OPRM1: variants seen among roughly 807,000 people sequenced by gnomAD.
OPRM1 encodes mu-type opioid receptor.
Under a neutral mutation model 31.8 loss-of-function variants are expected in OPRM1, and 27 were observed. The ratio of observed to expected loss-of-function variants is 0.85; its 90% CI spans 0.63 to 1.17. OPRM1 has a LOEUF of 1.17. OPRM1 is among the 50% of genes most tolerant of loss of function. The pLI is 0.00. For synonymous variants in OPRM1, 196 were observed against 189.9 expected, an observed-to-expected ratio of 1.03 and a Z score of -0.26; for missense variants, 536 against 511.1, an observed-to-expected ratio of 1.05 and a Z score of -0.47.
At chr6:154,186,668 T>G (rs1035265458) in intron 3 of OPRM1, among the ~76,000 whole-genome samples, 3 of 152,118 alleles carry the variant, frequency 2.0e-5, no homozygotes, top group Non-Finnish European at 4.4e-5. Flanking sequence ...GCCATTCTCC[T>G]GCCTCAGCCT....
chr6:154,088,699 A>C (rs548277278), intron 1 of OPRM1, among the ~76,000 whole-genome samples: 1 of 152,310 alleles, frequency 6.6e-6, no homozygotes, highest in East Asian at 1.9e-4. Context: ...TTATAGGTCA[A>C]TTCCACCTCA....
chr6:154,246,050 C>T (rs936917968), intron 3 of OPRM1, among the ~76,000 whole-genome samples: 1 of 152,206 alleles, frequency 6.6e-6, no homozygotes, highest in East Asian at 1.9e-4. Flanking sequence ...AGGTGACAGT[C>T]GCCAATGCAA....
intron 3 of OPRM1, chr6:154,108,261 C>T (rs1795903597): frequency 2.8e-6 from 1 of 361,422 alleles, no homozygotes; most frequent in Non-Finnish European, 4.9e-6. Context: ...TAAATTTGCC[C>T]CCAGATGGGT....
At position 154,071,666 on chromosome 6, in the gene OPRM1, T is replaced by C. The variant is rs1786763607; in HGVS notation, c.291-18160T>C. On this transcript the variant is annotated intron_variant, in intron 1 of 3. Coordinates refer to ENST00000330432, the MANE Select transcript of OPRM1 (RefSeq NM_000914.5). ...GGATTCAAAGAAACAAAGGTCTATC[T>C]AGACAGTGTGCTGTCCTAAAGCAAG... Among the ~76,000 whole-genome samples the C allele has an allele frequency of 2.6e-5, 4 of 152,216 alleles. No individual in the cohort carries two copies. The South Asian group carries it at 8.3e-4, about 31-fold the overall frequency.
chr6:154,084,222 T>C (rs1392851002), intron 1 of OPRM1, among the ~76,000 whole-genome samples: 1 of 152,134 alleles, frequency 6.6e-6, no homozygotes, highest in Admixed American at 6.5e-5. Flanking sequence ...TTGAAATAAA[T>C]GTAAATTAAA....
intron 3 of OPRM1, among the ~76,000 whole-genome samples, chr6:154,118,038 T>C (rs1337810861): frequency 6.6e-6 from 1 of 152,180 alleles, no homozygotes; most frequent in East Asian, 1.9e-4. Context: ...TTATAATGAA[T>C]GATAGCAACA....
intron 3 of OPRM1, among the ~76,000 whole-genome samples, chr6:154,243,037 G>T (rs1171550862): frequency 6.6e-6 from 1 of 152,190 alleles, no homozygotes; most frequent in Non-Finnish European, 1.5e-5. Flanking sequence ...GAATTGGATA[G>T]GAGAAAGACT....
At chr6:154,057,081 G>C (rs985588344) in intron 1 of OPRM1, among the ~76,000 whole-genome samples, 2 of 152,128 alleles carry the variant, frequency 1.3e-5, no homozygotes, top group African/African-American at 4.8e-5. Flanking sequence ...AAGGACTAAA[G>C]ATATTCTTTT....
At chr6:154,170,393 C>G (rs1799778137) in intron 3 of OPRM1, among the ~76,000 whole-genome samples, 1 of 152,166 alleles carries the variant, frequency 6.6e-6, no homozygotes, top group South Asian at 2.1e-4. Context: ...CAAAACCAAG[C>G]AAACTTCACA....
intron 1 of OPRM1, among the ~76,000 whole-genome samples, chr6:154,067,146 A>T: frequency 6.7e-6 from 1 of 149,414 alleles, no homozygotes; most frequent in Non-Finnish European, 1.5e-5. Context: ...CACTTTCTCT[A>T]TTTTTTTTTA....
chr6:154,055,552 A>T (rs1279430625), intron 1 of OPRM1, among the ~76,000 whole-genome samples: 1 of 152,162 alleles, frequency 6.6e-6, no homozygotes, highest in African/African-American at 2.4e-5. Context: ...CCATTATAAT[A>T]TTTCTAATTA....
chr6:154,056,607 G>A (rs866960337), intron 1 of OPRM1, among the ~76,000 whole-genome samples: 1 of 151,636 alleles, frequency 6.6e-6, no homozygotes, highest in Middle Eastern at 3.4e-3. Context: ...GGAATCTTAC[G>A]GTGCCCTTGA....
At chr6:154,064,755 C>T (rs1192290163) in intron 1 of OPRM1, among the ~76,000 whole-genome samples, 1 of 152,160 alleles carries the variant, frequency 6.6e-6, no homozygotes, top group African/African-American at 2.4e-5. Context: ...TGTTCTTTCT[C>T]CATTGAAAGG....
rs570568387 is a variant in OPRM1, at chr6:154,040,135, G to A, written c.290+301G>A. Among the ~76,000 whole-genome samples the A allele has an allele frequency of 7.9e-5, 12 of 152,228 alleles. 1 individual carries two copies. In the South Asian group the frequency reaches 1.9e-3, roughly 24 times the overall value. On this transcript the variant is annotated intron_variant, in intron 1 of 3. Transcript: ENST00000330432. ...GGAAGCTATAGCATAGACTTGGAGC[G>A]CTTCCTTATACTGAGCAAAGAGGGC...
intron 1 of OPRM1, among the ~76,000 whole-genome samples, chr6:154,072,492 G>T (rs373317050): frequency 6.6e-6 from 1 of 152,178 alleles, no homozygotes; most frequent in African/African-American, 2.4e-5. Context: ...CTAAGTACTT[G>T]CTTAAAGTGA....
At chr6:154,137,377 A>G (rs1415290975) in intron 3 of OPRM1, among the ~76,000 whole-genome samples, 2 of 152,212 alleles carry the variant, frequency 1.3e-5, no homozygotes, top group African/African-American at 2.4e-5. Flanking sequence ...ATGCTTGTGC[A>G]AGACTAATAA....
At chr6:154,212,882 G>A (rs1778077881) in intron 3 of OPRM1, 1 of 1,465,238 alleles carries the variant, frequency 6.8e-7, no homozygotes, top group Non-Finnish European at 9.6e-7. Flanking sequence ...AATGCTTAAT[G>A]TTTTAACGCT....
chr6:154,149,349 G>A (rs1194205918), intron 3 of OPRM1, among the ~76,000 whole-genome samples: 1 of 152,056 alleles, frequency 6.6e-6, no homozygotes, highest in Admixed American at 6.6e-5. Flanking sequence ...ACAGCATGGG[G>A]GTAACTGTCC....
intron 3 of OPRM1, among the ~76,000 whole-genome samples, chr6:154,141,689 G>A (rs931338987): frequency 3.9e-5 from 6 of 152,222 alleles, no homozygotes; most frequent in Admixed American, 1.3e-4. Context: ...AGGACAACGC[G>A]AAGCGGGCAA....
Sources: gnomAD v4.1 joint callset for allele counts (sites outside exome capture counted in the v4.1 genomes callset) on GRCh38, gnomAD v4.1.1 for gene constraint, MANE v1.5 for transcripts, NCBI Gene and HGNC (gene_info 2026-07-23, HGNC 2026-07-21) for gene names.